The following PRKACA variants were observed in gnomAD, a reference collection of about 807,000 sequenced individuals.
PRKACA encodes the protein protein kinase cAMP-activated catalytic subunit alpha.
In PRKACA, 9 loss-of-function variants were observed where a neutral mutation model predicts 45.8. The observed-to-expected ratio is 0.20, with a 90% confidence interval of 0.12 to 0.34. The LOEUF (loss-of-function observed/expected upper bound fraction) is 0.34, where lower values mean the gene tolerates loss of function less well. Ranked by LOEUF, PRKACA falls within the 10% of genes least tolerant of loss-of-function variation. PRKACA has a pLI of 1.00. For missense variants in PRKACA, 238 were observed against 458.6 expected, an observed-to-expected ratio of 0.52 and a Z score of 4.39; for synonymous variants, 160 against 178.6, an observed-to-expected ratio of 0.90 and a Z score of 0.83.
At chr19:14,109,906 C>T (rs1977721003) in intron 1 of PRKACA, among the ~76,000 whole-genome samples, 1 of 124,470 alleles carries the variant, frequency 8.0e-6, no homozygotes, top group Non-Finnish European at 1.6e-5. Flanking sequence ...CCACTGCACT[C>T]CAGCCTAGGC....
chr19:14,105,310 G>T (rs930712651), intron 3 of PRKACA, among the ~76,000 whole-genome samples: 1 of 151,900 alleles, frequency 6.6e-6, no homozygotes, highest in East Asian at 1.9e-4. Context: ...TCAGGAGTTC[G>T]AGACCAACCT....
rs1327354067 is a variant in PRKACA, at chr19:14,097,698, T to C, written c.547-24A>G. The stretch of plus-strand genomic sequence containing the variant: ...ACCTGTGGGCACAAGAACAGGCAGT[T>C]GGCAGGGAGGAAGGGTCCAGGCCAC... On this transcript the variant is annotated intron_variant, in intron 6 of 9. Coordinates refer to ENST00000308677, the MANE Select transcript of PRKACA (RefSeq NM_002730.4). This position sits in a 1 kb window ranked among gnomAD's most constrained non-coding sequence, Gnocchi z 5.4. 4 of 1,611,692 alleles carry C rather than the reference T, an allele frequency of 2.5e-6. No individual in the cohort carries two copies. In the South Asian group the frequency reaches 3.3e-5, roughly 13 times the overall value.
chr19:14,099,595 T>TG (rs1977381538), intron 5 of PRKACA, among the ~76,000 whole-genome samples: 1 of 150,896 alleles, frequency 6.6e-6, no homozygotes, highest in East Asian at 1.9e-4. Flanking sequence ...CTGACTTTTT[T>TG]TTTTTTTTTT....
At chr19:14,114,200 A>G in intron 1 of PRKACA, 2 of 1,601,326 alleles carry the variant, frequency 1.2e-6, no homozygotes, top group Non-Finnish European at 1.7e-6. Context: ...GTGGCTGGGA[A>G]GGCTCATGAG....
chr19:14,110,347 T>C (rs1273754408), intron 1 of PRKACA, among the ~76,000 whole-genome samples: 2 of 150,384 alleles, frequency 1.3e-5, no homozygotes, highest in African/African-American at 2.5e-5. Context: ...GGAGGCCGAG[T>C]TGGGGGGATT....
chr19:14,117,392 G>C, intron 1 of PRKACA, 110 bp downstream of exon 1: 1 of 1,125,844 alleles, frequency 8.9e-7, no homozygotes, highest in Non-Finnish European at 1.1e-6. Context: ...GGCGCTGGGG[G>C]GTAGGCAGAG....
At chr19:14,110,802 A>G (rs1459584858) in intron 1 of PRKACA, among the ~76,000 whole-genome samples, 2 of 152,154 alleles carry the variant, frequency 1.3e-5, no homozygotes, top group Non-Finnish European at 2.9e-5. Flanking sequence ...AAGACTGATC[A>G]GGTCTGAGGT....
Position 14,117,530 on chromosome 19 carries a change from G to A in PRKACA, c.18C>T (p.Ala6=). MGNAA[A]AKKGSEQESV... ...TCTCCTGCTCGCTGCCCTTCTTGGC[G>A]GCGGCGGCGTTGCCCATCGCGGCGG... The change falls in exon 1 of 10, where the codon GCC becomes GCT. Residue 6 remains alanine (A), a synonymous_variant. Transcript: ENST00000308677. 1 of 1,226,738 alleles carries A rather than the reference G, an allele frequency of 8.2e-7. No individual in the cohort carries two copies. Among genetic ancestry groups the A allele is most frequent in the Non-Finnish European group, 1.0e-6 (1 of 981,240 alleles). The allele number at this position is 1,226,738 out of a possible 1,614,324, so 76.0% of individuals were successfully genotyped here.
chr19:14,102,831 G>A lies in PRKACA; in HGVS notation c.321C>T (p.Leu107=), dbSNP rs148811989. The A allele has an allele frequency of 3.0e-5, 48 of 1,613,922 alleles. No individual in the cohort carries two copies. Among genetic ancestry groups the A allele is most frequent in the Non-Finnish European group, 3.9e-5 (46 of 1,179,894 alleles). ...QAVNFPFLVK[L]EFSFKDNSNL... is the part of the protein sequence containing the mutation. ...GGGACCCCACCTTGAAGGAGAACTC[G>A]AGTTTGACGAGGAACGGAAAGTTGA... is the stretch of plus-strand genomic sequence containing the variant. Residue 107 remains leucine (L), a synonymous_variant, in exon 4 of 10, where the codon CTC becomes CTT. Coordinates refer to ENST00000308677, the MANE Select transcript of PRKACA (RefSeq NM_002730.4).
At position 14,097,265 on chromosome 19, in the gene PRKACA, T is replaced by G. The variant is rs1977286605; in HGVS notation, c.765+96A>C. 1.9e-6 allele frequency: 3 copies of G among 1,583,926 alleles called. No individual in the cohort carries two copies. Among genetic ancestry groups the G allele is most frequent in the Non-Finnish European group, 1.7e-6 (2 of 1,157,164 alleles). On this transcript the variant is annotated intron_variant, in intron 8 of 9. Coordinates refer to ENST00000308677, the MANE Select transcript of PRKACA (RefSeq NM_002730.4). The surrounding 1 kb of genome is among the most constrained non-coding windows in gnomAD (Gnocchi z 5.4). ...GGCCTGACTTAAGGAACTTCTAGAT[T>G]ATTCTGACAACAAGCAGGGCTCCCC... is the stretch of plus-strand genomic sequence containing the variant.
In PRKACA at chr19:14,097,868, C is replaced by T. The variant is rs1192231636; in HGVS notation, c.442G>A (p.Ala148Thr). ...TCAAAGGTCAGGACGATCTGGGCCG[C>T]GTAGAAACGGGCATGGGGCTCACTG... ...RFSEPHARFYAAQIVLTFEYL... is the reference protein window; with the variant it reads ...RFSEPHARFYTAQIVLTFEYL... The change falls in exon 6 of 10, where the codon GCG becomes ACG. Residue 148 changes from alanine to threonine, a missense_variant. Ala to Thr is a moderately conservative substitution (Grantham distance 58). Coordinates refer to ENST00000308677, the MANE Select transcript of PRKACA (RefSeq NM_002730.4). This position sits in a 1 kb window ranked among gnomAD's most constrained non-coding sequence, Gnocchi z 5.4. 11 of 1,614,008 alleles carry T rather than the reference C, an allele frequency of 6.8e-6. No individual in the cohort carries two copies. The highest frequency in any genetic ancestry group is 6.7e-5 in the African/African-American group (5 of 74,918).
chr19:14,117,373 G>A, intron 1 of PRKACA, 129 bp downstream of exon 1: 2 of 1,071,866 alleles, frequency 1.9e-6, no homozygotes, highest in Non-Finnish European at 2.3e-6. Context: ...TGGACAGGCC[G>A]GGGCAAGGGG....
chr19:14,108,976 C>T (rs1977693277), intron 1 of PRKACA, among the ~76,000 whole-genome samples: 1 of 150,978 alleles, frequency 6.6e-6, no homozygotes, highest in Admixed American at 6.6e-5. Context: ...GATCTGCCCA[C>T]CTTGGCCTCC....
rs369638087 is a variant in PRKACA at position 14,097,720 on chromosome 19, C to T, written c.546+44G>A. 1 of 1,613,404 alleles carries T rather than the reference C, an allele frequency of 6.2e-7. No individual in the cohort carries two copies. Among genetic ancestry groups the T allele is most frequent in the African/African-American group, 1.3e-5 (1 of 74,900 alleles). On this transcript the variant is annotated intron_variant, in intron 6 of 9. Transcript: ENST00000308677. This position sits in a 1 kb window ranked among gnomAD's most constrained non-coding sequence, Gnocchi z 5.4. ...AGTTGGCAGGGAGGAAGGGTCCAGG[C>T]CACGGCTTCCCCAGGGCTGCCCCTC...
chr19:14,116,561 G>A (rs1967109491), intron 1 of PRKACA, among the ~76,000 whole-genome samples: 4 of 152,198 alleles, frequency 2.6e-5, no homozygotes, highest in South Asian at 4.1e-4. Context: ...CCAGGGACTG[G>A]GTGAATGACG....
chr19:14,109,965 A>AAAAATAT (rs1568537449), intron 1 of PRKACA, among the ~76,000 whole-genome samples: 6 of 23,766 alleles, frequency 2.5e-4, no homozygotes, highest in Non-Finnish European at 3.5e-4. Context: ...AAAAAAAAAA[A>AAAAATAT]ATATATATAT....
At chr19:14,114,154 A>C (rs201062704) in intron 1 of PRKACA, 17 of 1,611,730 alleles carry the variant, frequency 1.1e-5, no homozygotes, top group Non-Finnish European at 1.4e-5. Flanking sequence ...GTTGGAAGCC[A>C]TCACTCAGTC....
In PRKACA at chr19:14,102,884, G is replaced by C; in HGVS notation, c.268C>G (p.Leu90Val). The C allele has an allele frequency of 5.6e-6, 9 of 1,614,210 alleles. No homozygotes were observed. The highest frequency in any genetic ancestry group is 7.6e-6 in the Non-Finnish European group (9 of 1,180,014). Residue 90 changes from leucine (L) to valine (V), a missense_variant, in exon 4 of 10, where the codon CTG becomes GTG. By Grantham distance (32) the Leu-to-Val change is conservative. Transcript: ENST00000308677. ...GCTTGCAGGATGCGCTTTTCATTCAGGGTGTGTTCGATCTGTTTCAGTTTC... is the reference window on the plus strand; with the variant it reads ...GCTTGCAGGATGCGCTTTTCATTCACGGTGTGTTCGATCTGTTTCAGTTTC... ...VVKLKQIEHT[L>V]NEKRILQAVN... is the part of the protein sequence containing the mutation.
rs544781833 is a variant in PRKACA, at chr19:14,103,011, G to T, written c.238-97C>A. ...AACTAGGGATGCCGGAGCCAGGCCG[G>T]TTCCTTCAGCCAGAATCATTTGTGT... On this transcript the variant is annotated intron_variant, in intron 3 of 9. Coordinates refer to ENST00000308677, the MANE Select transcript of PRKACA (RefSeq NM_002730.4). The T allele has an allele frequency of 1.4e-5, 14 of 973,824 alleles. 1 individual carries two copies. The African/African-American group carries it at 2.1e-4, about 14-fold the overall frequency. The allele number at this position is 973,824 out of a possible 1,614,324, so 60.3% of individuals were successfully genotyped here. A position where few individuals can be genotyped will look rare whatever the true frequency, so the allele number is the denominator to read the frequency against.
Sources: gnomAD v4.1 joint callset for allele counts (sites outside exome capture counted in the v4.1 genomes callset) on GRCh38, gnomAD v4.1.1 for gene constraint, Gnocchi (gnomAD v3.1) non-coding constraint, MANE v1.5 for transcripts, NCBI Gene and HGNC (gene_info 2026-07-23, HGNC 2026-07-21) for gene names.